Variants in AGBL1 observed in about 807,000 individuals in gnomAD.
AGBL1 encodes AGBL carboxypeptidase 1.
A neutral mutation model predicts 118.9 loss-of-function variants in AGBL1; 130 were observed. The ratio of observed to expected loss-of-function variants is 1.09; its 90% CI spans 0.95 to 1.26. The LOEUF (loss-of-function observed/expected upper bound fraction) is 1.26. Among genes scored for constraint, AGBL1 ranks in the 50% most tolerant of loss-of-function variants. The pLI is 0.00. For missense variants in AGBL1, 1,584 were observed against 1,298.1 expected (o/e 1.22, Z -3.38); for synonymous variants, 555 against 478.9 (o/e 1.16, Z -2.08).
chr15:86,897,572 A>G (rs1350894651), intron 22 of AGBL1, among the ~76,000 whole-genome samples: 1 of 151,276 alleles, frequency 6.6e-6, no homozygotes. Context: ...TATTTATTAC[A>G]TTTTTCTTAT....
intron 22 of AGBL1, among the ~76,000 whole-genome samples, chr15:86,687,407 C>T (rs1335100837): frequency 6.6e-6 from 1 of 152,114 alleles, no homozygotes; most frequent in South Asian, 2.1e-4. Context: ...GCTGCTTGCC[C>T]ATCCATCTGA....
chr15:86,251,513 G>T (rs28620919), intron 7 of AGBL1, among the ~76,000 whole-genome samples: 7,356 of 152,258 alleles, frequency 0.048, 615 homozygotes, highest in African/African-American at 0.17. Flanking sequence ...GTGATGTGCT[G>T]ACAAACCTAC....
intron 21 of AGBL1, among the ~76,000 whole-genome samples, chr15:86,653,322 C>G (rs1035953060): frequency 6.6e-6 from 1 of 152,164 alleles, no homozygotes; most frequent in Non-Finnish European, 1.5e-5. Context: ...CTGCTCCTTT[C>G]CCTTCTCCCT....
intron 17 of AGBL1, among the ~76,000 whole-genome samples, chr15:86,331,135 A>C (rs1366196605): frequency 1.3e-5 from 2 of 151,530 alleles, no homozygotes; most frequent in Non-Finnish European, 2.9e-5. Flanking sequence ...GAGGCAGGAG[A>C]ATCACTTGAA....
intron 22 of AGBL1, among the ~76,000 whole-genome samples, chr15:86,682,347 C>T (rs1014730322): frequency 3.3e-5 from 5 of 152,202 alleles, no homozygotes; most frequent in South Asian, 4.1e-4. Context: ...CAAACAAAAA[C>T]CTTGTTTCAT....
At chr15:86,709,047 A>G (rs2086506840) in intron 22 of AGBL1, among the ~76,000 whole-genome samples, 1 of 152,128 alleles carries the variant, frequency 6.6e-6, no homozygotes, top group African/African-American at 2.4e-5. Context: ...CAAAGCTCAA[A>G]TGCCAAATTC....
chr15:86,510,015 A>G (rs2083035052), intron 18 of AGBL1, among the ~76,000 whole-genome samples: 1 of 151,620 alleles, frequency 6.6e-6, no homozygotes. Context: ...CCAGGAAATC[A>G]AGGAAAAGGA....
chr15:86,209,404 T>C (rs1034735742), intron 5 of AGBL1, among the ~76,000 whole-genome samples: 18 of 152,210 alleles, frequency 1.2e-4, no homozygotes, highest in African/African-American at 4.3e-4. Flanking sequence ...CTGTCTAATA[T>C]TGACAGTGGA....
At chr15:86,177,083 G>A (rs964283778) in intron 5 of AGBL1, among the ~76,000 whole-genome samples, 1 of 152,088 alleles carries the variant, frequency 6.6e-6, no homozygotes, top group Non-Finnish European at 1.5e-5. Flanking sequence ...AGACTTGAGT[G>A]GGTTAAAAGT....
At chr15:86,179,369 A>G (rs2077522964) in intron 5 of AGBL1, among the ~76,000 whole-genome samples, 1 of 152,252 alleles carries the variant, frequency 6.6e-6, no homozygotes, top group African/African-American at 2.4e-5. Flanking sequence ...ATCAAGATCA[A>G]GTGATATTTG....
intron 5 of AGBL1, among the ~76,000 whole-genome samples, chr15:86,198,312 G>GATTGTATTCTGAATAAA (rs1375475871): frequency 3.9e-5 from 6 of 152,170 alleles, no homozygotes; most frequent in Admixed American, 2.6e-4. Flanking sequence ...CCTGAGAATA[G>GATTGTATTCTGAATAAA]ATTGTATTCT....
intron 17 of AGBL1, among the ~76,000 whole-genome samples, chr15:86,310,704 G>A (rs1356792960): frequency 1.3e-5 from 2 of 152,090 alleles, no homozygotes; most frequent in Non-Finnish European, 2.9e-5. Flanking sequence ...ATGGAGCCGT[G>A]GGGGCCAGCC....
chr15:87,028,869 G>C (rs765799026), exon 25 of AGBL1: 1 of 1,595,782 alleles, frequency 6.3e-7, no homozygotes, highest in East Asian at 2.2e-5. Context: ...AGCAAGTATT[G>C]AAGTTCATGC....
intron 22 of AGBL1, among the ~76,000 whole-genome samples, chr15:86,776,748 A>ATG (rs1360431554): frequency 1.9e-5 from 2 of 106,510 alleles, no homozygotes; most frequent in Non-Finnish European, 3.5e-5. Context: ...TTATATATAT[A>ATG]TATGTGTGTG....
At chr15:86,924,086 T>C (rs2080507319) in intron 23 of AGBL1, among the ~76,000 whole-genome samples, 1 of 152,246 alleles carries the variant, frequency 6.6e-6, no homozygotes, top group African/African-American at 2.4e-5. Flanking sequence ...AATCTTTAAA[T>C]GGAAAGCCTA....
intron 24 of AGBL1, among the ~76,000 whole-genome samples, chr15:87,027,698 A>G (rs114351735): frequency 0.011 from 1,663 of 152,140 alleles, 31 homozygotes; most frequent in African/African-American, 0.038. Context: ...AATACTATGC[A>G]GCTATAAAAA....
At chr15:86,181,051 A>G (rs2077545835) in intron 5 of AGBL1, among the ~76,000 whole-genome samples, 1 of 152,136 alleles carries the variant, frequency 6.6e-6, no homozygotes, top group Admixed American at 6.5e-5. Flanking sequence ...CAACACTCAC[A>G]CTTTGCTGGT....
At chr15:86,859,521 C>T (rs897275230) in intron 22 of AGBL1, among the ~76,000 whole-genome samples, 2 of 152,144 alleles carry the variant, frequency 1.3e-5, no homozygotes, top group African/African-American at 4.8e-5. Context: ...TCCCATAAAT[C>T]CATGCTACTT....
Position 86,553,371 on chromosome 15 carries a change from T to C in AGBL1, c.2818-990T>C, listed in dbSNP as rs549800652. ...TCTGTCAATCAGGGTGTCAAGTGTC[T>C]AGAGATGCCTTCTAAATGGAGATTA... On this transcript the variant is annotated intron_variant, in intron 20 of 22. Transcript: ENST00000614907. 2.4e-4 allele frequency among the ~76,000 whole-genome samples: 37 copies of C among 152,252 alleles called. No individual in the cohort carries two copies. The South Asian group carries it at 7.3e-3, about 30-fold the overall frequency.
Sources: gnomAD v4.1 joint callset for allele counts (sites outside exome capture counted in the v4.1 genomes callset) on GRCh38, gnomAD v4.1.1 for gene constraint, MANE v1.5 for transcripts, NCBI Gene and HGNC (gene_info 2026-07-23, HGNC 2026-07-21) for gene names.